Variants in PLCL2 observed in about 807,000 individuals in gnomAD.
PLCL2 encodes inactive phospholipase C-like protein 2.
A neutral mutation model predicts 79.6 loss-of-function variants in PLCL2; 4 were observed. That is an observed-to-expected ratio of 0.05 (90% CI 0.02 to 0.11). The LOEUF (loss-of-function observed/expected upper bound fraction) is 0.11. PLCL2 is among the 10% of genes least tolerant of loss of function. The pLI is 1.00. For synonymous variants in PLCL2, 484 were observed against 457.7 expected (o/e 1.06, Z -0.73); for missense variants, 895 against 1,291.0 (o/e 0.69, Z 4.70).
intron 1 of PLCL2, among the ~76,000 whole-genome samples, chr3:16,911,263 A>G (rs1050542563): frequency 2.0e-5 from 3 of 152,078 alleles, no homozygotes; most frequent in African/African-American, 7.2e-5. Context: ...AAAAAAAAAA[A>G]AAAAAAAAAA....
rs183044779 is a variant in PLCL2 at position 16,992,220 on chromosome 3, G to A, written c.328-17454G>A. 1.5e-4 allele frequency among the ~76,000 whole-genome samples: 23 copies of A among 152,194 alleles called. No homozygotes were observed. The East Asian group carries it at 3.9e-3, about 26-fold the overall frequency. ...TGGTGATCGGGGTGGAGTGGTGATG[G>A]CCCTGATTCAATCATCAGAAAAACT... On this transcript the variant is annotated intron_variant, in intron 1 of 5. Coordinates refer to ENST00000615277, the MANE Select transcript of PLCL2 (RefSeq NM_001144382.2).
At chr3:16,942,601 A>T (rs931974608) in intron 1 of PLCL2, among the ~76,000 whole-genome samples, 1 of 152,076 alleles carries the variant, frequency 6.6e-6, no homozygotes, top group Non-Finnish European at 1.5e-5. Context: ...TGACTCTATC[A>T]CGCTTGCCAC....
chr3:16,944,747 A>G (rs888511952), intron 1 of PLCL2, among the ~76,000 whole-genome samples: 3 of 150,318 alleles, frequency 2.0e-5, no homozygotes, highest in African/African-American at 7.3e-5. Flanking sequence ...ATAAAAATGT[A>G]TTGTACTCCG....
rs114688213 is a variant in PLCL2 at position 16,973,351 on chromosome 3, T to G, written c.328-36323T>G. 6.8e-3 allele frequency among the ~76,000 whole-genome samples: 956 copies of G among 140,616 alleles called. 12 individuals carry two copies. The highest frequency in any genetic ancestry group is 0.025 in the African/African-American group (915 of 37,132). 92.2% of individuals were successfully genotyped at this position (140,616 alleles called of 152,430 possible). On this transcript the variant is annotated intron_variant, in intron 1 of 5. Transcript: ENST00000615277. ...TTGTAGGGTTTCTGCTGACCTGCCT[T>G]TAACTTTTTTTTTTTTTTTTCATTT...
chr3:16,919,855 T>C (rs997612223), intron 1 of PLCL2, among the ~76,000 whole-genome samples: 2 of 152,312 alleles, frequency 1.3e-5, no homozygotes, highest in Admixed American at 6.5e-5. Flanking sequence ...TCTGTGAACA[T>C]GGACTTCTGA....
At chr3:16,956,894 A>T (rs926299019) in intron 1 of PLCL2, among the ~76,000 whole-genome samples, 1 of 152,046 alleles carries the variant, frequency 6.6e-6, no homozygotes, top group East Asian at 1.9e-4. Context: ...ATCATTTTTT[A>T]TTGCATCTAT....
chr3:17,033,099 A>G (rs2064602692), intron 3 of PLCL2, among the ~76,000 whole-genome samples: 1 of 152,156 alleles, frequency 6.6e-6, no homozygotes, highest in Non-Finnish European at 1.5e-5. Flanking sequence ...CAGGGTTTAG[A>G]TAAAAGTTAT....
chr3:16,925,631 T>C (rs1697229158), intron 1 of PLCL2, among the ~76,000 whole-genome samples: 1 of 152,226 alleles, frequency 6.6e-6, no homozygotes, highest in African/African-American at 2.4e-5. Flanking sequence ...ATACAATATA[T>C]GGCCTTTTCC....
At chr3:16,944,299 C>T (rs912325020) in intron 1 of PLCL2, among the ~76,000 whole-genome samples, 7 of 152,138 alleles carry the variant, frequency 4.6e-5, no homozygotes, top group South Asian at 2.1e-4. Flanking sequence ...CCACTTCTAA[C>T]GTGCCAGAAG....
intron 1 of PLCL2, among the ~76,000 whole-genome samples, chr3:16,945,209 C>T (rs1231264307): frequency 6.7e-6 from 1 of 150,168 alleles, no homozygotes; most frequent in East Asian, 2.0e-4. Context: ...TTTACCCTAT[C>T]ACCTGTTTAA....
chr3:16,910,828 G>A (rs1696863110), intron 1 of PLCL2, among the ~76,000 whole-genome samples: 1 of 151,768 alleles, frequency 6.6e-6, no homozygotes, highest in African/African-American at 2.4e-5. Flanking sequence ...CCTTTCAGTT[G>A]CTCAGGCCTT....
intron 1 of PLCL2, among the ~76,000 whole-genome samples, chr3:16,977,132 AATAC>A (rs1352638358): frequency 6.7e-6 from 1 of 150,214 alleles, no homozygotes; most frequent in Non-Finnish European, 1.5e-5. Flanking sequence ...ACACACACAC[AATAC>A]ATATACGTAT....
chr3:16,937,213 C>T (rs1238483711), intron 1 of PLCL2, among the ~76,000 whole-genome samples: 2 of 152,156 alleles, frequency 1.3e-5, no homozygotes, highest in Non-Finnish European at 2.9e-5. Context: ...TTTATATGGT[C>T]TATTTTCAAG....
At chr3:17,050,531 G>C (rs934969656) in intron 4 of PLCL2, among the ~76,000 whole-genome samples, 1 of 152,124 alleles carries the variant, frequency 6.6e-6, no homozygotes, top group African/African-American at 2.4e-5. Flanking sequence ...ATGAAAAACA[G>C]GCATATGAAA....
chr3:17,004,804 T>G (rs760781710), intron 1 of PLCL2, among the ~76,000 whole-genome samples: 18 of 152,190 alleles, frequency 1.2e-4, no homozygotes, highest in Non-Finnish European at 2.2e-4. Context: ...TGTATTGTTG[T>G]GTAAAAGAGA....
chr3:16,951,637 G>A (rs2063653390), intron 1 of PLCL2, among the ~76,000 whole-genome samples: 1 of 151,938 alleles, frequency 6.6e-6, no homozygotes, highest in South Asian at 2.1e-4. Context: ...TTCTAAACCA[G>A]CATTTAAGGC....
rs1421848357 is a variant in PLCL2, at chr3:16,886,807, G to A, written c.327+1441G>A. ...CATGATAATCAATCCTATTGACAGA[G>A]TTAGGTGACATTTCTGTTTTTATTT... On this transcript the variant is annotated intron_variant, in intron 1 of 5. Transcript: ENST00000615277. This position sits in a 1 kb window ranked among gnomAD's most constrained non-coding sequence, Gnocchi z 4.2. Among the ~76,000 whole-genome samples the A allele has an allele frequency of 6.6e-6, 1 of 152,222 alleles. No individual in the cohort carries two copies. Among genetic ancestry groups the A allele is most frequent in the East Asian group, 1.9e-4 (1 of 5,206 alleles).
intron 1 of PLCL2, among the ~76,000 whole-genome samples, chr3:16,952,360 C>CAAAAAAAAAA (rs35421244): frequency 0.012 from 263 of 22,628 alleles, 80 homozygotes; most frequent in South Asian, 0.017. Flanking sequence ...GAACTTAAAG[C>CAAAAAAAAAA]AAAAAAAAAA....
chr3:17,011,593 A>G lies in PLCL2; in HGVS notation c.2247A>G (p.Pro749=). 1 of 1,614,136 alleles carries G rather than the reference A, an allele frequency of 6.2e-7. No homozygotes were observed. The highest frequency in any genetic ancestry group is 8.5e-7 in the Non-Finnish European group (1 of 1,180,006). The change falls in exon 2 of 6, where the codon CCA becomes CCG. Residue 749 remains proline, a synonymous_variant. Coordinates refer to ENST00000615277, the MANE Select transcript of PLCL2 (RefSeq NM_001144382.2). The surrounding 1 kb of genome is among the most constrained non-coding windows in gnomAD (Gnocchi z 7.9). ...GCGCCAATACAAAAGACTCTGTCCC[A>G]GGGGTCTCACCTCAACTTCTTCACA... ...FFSANTKDSV[P]GVSPQLLHIK...
Sources: allele counts gnomAD v4.1 joint callset (sites outside exome capture counted in the v4.1 genomes callset), GRCh38; gene constraint gnomAD v4.1.1; non-coding constraint Gnocchi (gnomAD v3.1); transcripts MANE v1.5; gene names NCBI Gene and HGNC (gene_info 2026-07-23, HGNC 2026-07-21).